LSM8: variants seen among roughly 807,000 people sequenced by gnomAD.
LSM8 encodes LSM8 homolog, U6 small nuclear RNA associated.
A neutral mutation model predicts 15.0 loss-of-function variants in LSM8; 14 were observed. The observed-to-expected ratio is 0.93, with a 90% CI of 0.62 to 1.46. The LOEUF is 1.46. Ranked by LOEUF, LSM8 falls within the 40% of genes most tolerant of loss-of-function variation. The pLI is 0.00. For synonymous variants in LSM8, 50 were observed against 42.1 expected, an observed-to-expected ratio of 1.19 and a Z score of -0.73; for missense variants, 90 against 115.4, an observed-to-expected ratio of 0.78 and a Z score of 1.01.
rs1235352627 is a variant in LSM8, at chr7:118,192,874, T to C, written c.*872T>C. On this transcript the variant is annotated 3_prime_UTR_variant, in exon 4 of 4. Transcript: ENST00000249299. ...GCAATTTTCCATGATTCATTATCCATAAACCTGATTTCAGAAGACGTCAAC... is the reference window on the plus strand; with the variant it reads ...GCAATTTTCCATGATTCATTATCCACAAACCTGATTTCAGAAGACGTCAAC... 1 of 152,150 alleles carries C rather than the reference T, an allele frequency of 6.6e-6. No homozygotes were observed. Among genetic ancestry groups the C allele is most frequent in the African/African-American group, 2.4e-5 (1 of 41,454 alleles). 9.4% of individuals were successfully genotyped at this position (152,150 alleles called of 1,614,324 possible). A position where few individuals can be genotyped will look rare whatever the true frequency, so the allele number is the denominator to read the frequency against.
chr7:118,196,698 A>T lies in LSM8; in HGVS notation c.*4696A>T, dbSNP rs937476451. Among the ~76,000 whole-genome samples the T allele has an allele frequency of 8.5e-6, 1 of 117,210 alleles. No homozygotes were observed. The allele number at this position is 117,210 out of a possible 152,430, so 76.9% of individuals were successfully genotyped here. Reference sequence around the variant, plus strand: ...TGTTTCTTTTTTTTTAAGTCCTTTAATTTTTATTTATTTATTTATTTATTT... The same window carrying T: ...TGTTTCTTTTTTTTTAAGTCCTTTATTTTTTATTTATTTATTTATTTATTT... On this transcript the variant is annotated 3_prime_UTR_variant, in exon 4 of 4. Transcript: ENST00000249299.
chr7:118,185,679 T>C lies in LSM8; in HGVS notation c.57T>C (p.Asp19=), dbSNP rs751601758. ...INRTVAVITS[D]GRMIVGTLKG... ...GAACTGTTGCCGTTATTACATCAGA[T>C]GGGAGAATGATTGTGGTAAGTCTTT... is the stretch of plus-strand genomic sequence containing the variant. Residue 19 remains aspartate, a synonymous_variant, in exon 2 of 4, where the codon GAT becomes GAC. Coordinates refer to ENST00000249299, the MANE Select transcript of LSM8 (RefSeq NM_016200.5). 6.2e-7 allele frequency: 1 copy of C among 1,611,524 alleles called. No homozygotes were observed. The highest frequency in any genetic ancestry group is 8.5e-7 in the Non-Finnish European group (1 of 1,177,888).
Position 118,201,338 on chromosome 7 carries a change from A to G in LSM8, c.*9336A>G, listed in dbSNP as rs571086817. 6.6e-6 allele frequency among the ~76,000 whole-genome samples: 1 copy of G among 152,132 alleles called. No individual in the cohort carries two copies. The highest frequency in any genetic ancestry group is 6.6e-5 in the Admixed American group (1 of 15,256). On this transcript the variant is annotated 3_prime_UTR_variant, in exon 4 of 4. Transcript: ENST00000249299. ...GCATGTAGAGAGAGTCTCCTAGTTG[A>G]TACCAACTCAGGAAAGCAGAATCAA... is the stretch of plus-strand genomic sequence containing the variant.
rs1471229005 is a variant in LSM8, at chr7:118,193,993, AC to A, written c.*1992del. ...TGAATTATTGTTTTTATGAATAGTT[AC>A]AGAGGATGTGATGACAATATGCCAG... On this transcript the variant is annotated 3_prime_UTR_variant, in exon 4 of 4. Coordinates refer to ENST00000249299, the MANE Select transcript of LSM8 (RefSeq NM_016200.5). Among the ~76,000 whole-genome samples the A allele has an allele frequency of 6.6e-6, 1 of 152,140 alleles. No individual in the cohort carries two copies. Among genetic ancestry groups the A allele is most frequent in the Non-Finnish European group, 1.5e-5 (1 of 67,980 alleles).
At position 118,194,171 on chromosome 7, in the gene LSM8, T is replaced by C. The variant is rs999712937; in HGVS notation, c.*2169T>C. 6.6e-6 allele frequency among the ~76,000 whole-genome samples: 1 copy of C among 152,120 alleles called. No individual in the cohort carries two copies. Among genetic ancestry groups the C allele is most frequent in the Non-Finnish European group, 1.5e-5 (1 of 67,976 alleles). On this transcript the variant is annotated 3_prime_UTR_variant, in exon 4 of 4. Coordinates refer to ENST00000249299, the MANE Select transcript of LSM8 (RefSeq NM_016200.5). Reference sequence around the variant, plus strand: ...ATTAATATACAGTGTCAATATTTTATATTTAATGAGACATTTATTCTATAA... The same window carrying C: ...ATTAATATACAGTGTCAATATTTTACATTTAATGAGACATTTATTCTATAA...
rs1309706993 is a variant in LSM8, at chr7:118,200,770, C to T, written c.*8768C>T. Among the ~76,000 whole-genome samples, 5 of 152,036 alleles carry T rather than the reference C, an allele frequency of 3.3e-5. No individual in the cohort carries two copies. The highest frequency in any genetic ancestry group is 7.4e-5 in the Non-Finnish European group (5 of 67,986). ...ACACTTTTTTCTCCTGTGACAGCAT[C>T]TATTCCCAAGGCAATCAACATTTTA... On this transcript the variant is annotated 3_prime_UTR_variant, in exon 4 of 4. Coordinates refer to ENST00000249299, the MANE Select transcript of LSM8 (RefSeq NM_016200.5).
rs559802475 is a variant in LSM8 at position 118,189,690 on chromosome 7, G to A, written c.200+1285G>A. On this transcript the variant is annotated intron_variant, in intron 3 of 3. Transcript: ENST00000249299. ...AGCCTGGCCAGCATAGTGAAACCCC[G>A]TCTCTCCTTAAAATAGAAAAATTAG... 97 of 152,070 alleles carry A rather than the reference G, an allele frequency of 6.4e-4. 2 individuals are homozygous for A. In the South Asian group the frequency reaches 0.019, roughly 29 times the overall value. 9.4% of individuals were successfully genotyped at this position (152,070 alleles called of 1,614,324 possible). A position where few individuals can be genotyped will look rare whatever the true frequency, so the allele number is the denominator to read the frequency against.
At chr7:118,186,274 T>C (rs1808889527) in intron 2 of LSM8, among the ~76,000 whole-genome samples, 1 of 152,192 alleles carries the variant, frequency 6.6e-6, no homozygotes, top group African/African-American at 2.4e-5. Flanking sequence ...GTGATACTTG[T>C]ATTTGGAATT....
chr7:118,184,314 G>A, intron 1 of LSM8, 60 bp downstream of exon 1: 3 of 1,434,404 alleles, frequency 2.1e-6, no homozygotes, highest in South Asian at 2.8e-5. Context: ...CGCGGTCGGG[G>A]ATCGGTGGGA....
Position 118,197,792 on chromosome 7 carries a change from G to C in LSM8, c.*5790G>C, listed in dbSNP as rs1481564016. ...ATGGCAGTGAAAGGCACAGACTCTG[G>C]AGTCATACTTAGTTTGCAGAGCTTA... is the stretch of plus-strand genomic sequence containing the variant. On this transcript the variant is annotated 3_prime_UTR_variant, in exon 4 of 4. Coordinates refer to ENST00000249299, the MANE Select transcript of LSM8 (RefSeq NM_016200.5). Among the ~76,000 whole-genome samples, 2 of 152,100 alleles carry C rather than the reference G, an allele frequency of 1.3e-5. No homozygotes were observed. The highest frequency in any genetic ancestry group is 2.9e-5 in the Non-Finnish European group (2 of 68,006).
At chr7:118,189,442 A>G (rs1201283679) in intron 3 of LSM8, 1 of 152,090 alleles carries the variant, frequency 6.6e-6, no homozygotes, top group Non-Finnish European at 1.5e-5. Context: ...AATCCCAGCT[A>G]CTCGGGAGGC....
In LSM8 at chr7:118,201,920, C is replaced by G. The variant is rs1177191394; in HGVS notation, c.*9918C>G. On this transcript the variant is annotated 3_prime_UTR_variant, in exon 4 of 4. Coordinates refer to ENST00000249299, the MANE Select transcript of LSM8 (RefSeq NM_016200.5). ...CTAGTTCACAAGTAATCTTCCAGCA[C>G]AAATTTTATAAACAAATGCCCTGTG... is the stretch of plus-strand genomic sequence containing the variant. Among the ~76,000 whole-genome samples, 1 of 152,006 alleles carries G rather than the reference C, an allele frequency of 6.6e-6. No homozygotes were observed. The highest frequency in any genetic ancestry group is 2.4e-5 in the African/African-American group (1 of 41,404).
intron 1 of LSM8, chr7:118,185,453 C>T: frequency 1.8e-6 from 1 of 546,182 alleles, no homozygotes; most frequent in South Asian, 2.3e-5. Context: ...GCTGTGTTGC[C>T]CAAGCTGGTC....
At chr7:118,187,375 T>G (rs1808905102) in intron 2 of LSM8, among the ~76,000 whole-genome samples, 1 of 152,228 alleles carries the variant, frequency 6.6e-6, no homozygotes, top group African/African-American at 2.4e-5. Flanking sequence ...ATACTAAGCT[T>G]TCATAAAACT....
Position 118,198,643 on chromosome 7 carries a change from C to G in LSM8, c.*6641C>G, listed in dbSNP as rs1809120117. ...TGACCCTAAGGATAGTAAGGATTTC[C>G]ATAGATGGTTAGGAAAACTTCAAAT... On this transcript the variant is annotated 3_prime_UTR_variant, in exon 4 of 4. Transcript: ENST00000249299. Among the ~76,000 whole-genome samples the G allele has an allele frequency of 6.6e-6, 1 of 152,080 alleles. No individual in the cohort carries two copies. The highest frequency in any genetic ancestry group is 6.5e-5 in the Admixed American group (1 of 15,270).
At chr7:118,184,295 C>T (rs1177306704) in intron 1 of LSM8, 41 bp downstream of exon 1, 4 of 1,456,272 alleles carry the variant, frequency 2.7e-6, no homozygotes, top group Non-Finnish European at 1.8e-6. Flanking sequence ...GCCGGGGTCG[C>T]GGAGAGGCCG....
At chr7:118,184,889 T>A (rs1305422207) in intron 1 of LSM8, 1 of 152,172 alleles carries the variant, frequency 6.6e-6, no homozygotes, top group African/African-American at 2.4e-5. Context: ...TGACAAAAAT[T>A]AAATACCGAA....
rs949925028 is a variant in LSM8 at position 118,202,067 on chromosome 7, T to C, written c.*10065T>C. 2.0e-5 allele frequency among the ~76,000 whole-genome samples: 3 copies of C among 152,112 alleles called. No homozygotes were observed. The highest frequency in any genetic ancestry group is 4.4e-5 in the Non-Finnish European group (3 of 67,968). ...CCTAAACACAGAGGAGGCAGTAATT[T>C]AGGACAGCTTAAACATTCTGGCTGA... On this transcript the variant is annotated 3_prime_UTR_variant, in exon 4 of 4. Coordinates refer to ENST00000249299, the MANE Select transcript of LSM8 (RefSeq NM_016200.5).
chr7:118,185,435 G>T (rs1309470453), intron 1 of LSM8: 4 of 504,814 alleles, frequency 7.9e-6, no homozygotes, highest in Admixed American at 7.0e-5. Context: ...AATAGAGATG[G>T]GGGTATCGCT....
Sources: gnomAD v4.1 joint callset for allele counts (sites outside exome capture counted in the v4.1 genomes callset) on GRCh38, gnomAD v4.1.1 for gene constraint, MANE v1.5 for transcripts, NCBI Gene and HGNC (gene_info 2026-07-23, HGNC 2026-07-21) for gene names.